NCKAP1: variants seen among roughly 807,000 people sequenced by gnomAD.
NCKAP1 encodes the protein nck-associated protein 1.
NCKAP1 carries 21 observed loss-of-function variants against 151.2 expected under a neutral mutation model. The ratio of observed to expected loss-of-function variants is 0.14; its 90% CI spans 0.10 to 0.20. The LOEUF is 0.20. Among genes scored for constraint, NCKAP1 ranks in the 10% least tolerant of loss-of-function variants. NCKAP1 has a pLI of 1.00. For missense variants in NCKAP1, 933 were observed against 1,352.1 expected (o/e 0.69, Z 4.86); for synonymous variants, 484 against 451.8 (o/e 1.07, Z -0.90).
At chr2:183,026,570 G>A (rs920886751) in intron 1 of NCKAP1, among the ~76,000 whole-genome samples, 1 of 151,696 alleles carries the variant, frequency 6.6e-6, no homozygotes, top group African/African-American at 2.4e-5. Flanking sequence ...TTTCCACACT[G>A]CTCAGTGGAC....
At chr2:183,029,691 A>T (rs1054337996) in intron 1 of NCKAP1, among the ~76,000 whole-genome samples, 1 of 151,880 alleles carries the variant, frequency 6.6e-6, no homozygotes, top group South Asian at 2.1e-4. Context: ...GTGGTGGTAA[A>T]TATCTGTGGT....
Position 182,952,493 on chromosome 2 carries a change from G to T in NCKAP1, c.2513C>A (p.Ser838Ter). 1 of 1,595,480 alleles carries T rather than the reference G, an allele frequency of 6.3e-7. No individual in the cohort carries two copies. The highest frequency in any genetic ancestry group is 1.1e-5 in the South Asian group (1 of 87,338). ...ATATGGGCCTAGTAGTTCTGATAAT[G>T]ACCTCATTTCTGAAAGAAAACATAC... Reference protein sequence around the residue: ...EEYSDISEMRSLSELLGPYGM... With the variant: ...EEYSDISEMR Residue 838 changes from serine (S) to a stop codon, truncating the protein, a stop_gained, in exon 23 of 31, where the codon TCA (serine) becomes TAA (stop). Transcript: ENST00000361354. LOFTEE classifies it high-confidence loss of function.
rs772402791 is a variant in NCKAP1, at chr2:182,925,705, T to C, written c.3384A>G (p.Ala1128=). 3.3e-5 allele frequency: 51 copies of C among 1,532,868 alleles called. No homozygotes were observed. Among genetic ancestry groups the C allele is most frequent in the Admixed American group, 1.4e-4 (7 of 49,496 alleles). 95.0% of individuals were successfully genotyped at this position (1,532,868 alleles called of 1,614,324 possible). ...TATCTTGATTAAGTAGGTAATTTTA[T>C]GCAGAAGATGTAACACTTTGTTTGT... The part of the protein sequence containing the change: ...AVYKQSVTSS[A] The change falls in exon 31 of 31, where the codon GCA becomes GCG. Residue 1128 remains alanine, a synonymous_variant. Coordinates refer to ENST00000361354, the MANE Select transcript of NCKAP1 (RefSeq NM_013436.5).
chr2:182,998,077 C>A (rs777678099), intron 6 of NCKAP1, among the ~76,000 whole-genome samples: 45 of 152,154 alleles, frequency 3.0e-4, no homozygotes, highest in Non-Finnish European at 5.1e-4. Context: ...TTTAAAACAC[C>A]ATATGATCAT....
At chr2:182,983,897 G>C (rs1030170045) in intron 10 of NCKAP1, among the ~76,000 whole-genome samples, 3 of 152,118 alleles carry the variant, frequency 2.0e-5, no homozygotes, top group South Asian at 2.1e-4. Flanking sequence ...AGCCAGGTGT[G>C]GTGGGTGCCT....
intron 15 of NCKAP1, among the ~76,000 whole-genome samples, chr2:182,975,399 A>G (rs1697785038): frequency 6.6e-6 from 1 of 152,120 alleles, no homozygotes; most frequent in South Asian, 2.1e-4. Flanking sequence ...ATAGAACAAA[A>G]AAGAGAAAAG....
intron 16 of NCKAP1, among the ~76,000 whole-genome samples, chr2:182,966,581 TG>T (rs774961839): frequency 3.8e-4 from 58 of 152,214 alleles, no homozygotes; most frequent in Non-Finnish European, 7.5e-4. Context: ...CCACCGCGCC[TG>T]GCCACCACAC....
chr2:182,942,159 A>G lies in NCKAP1; in HGVS notation c.2606T>C (p.Leu869Pro). ...ISSQVAELKK[L>P]VVENVDVLTQ... is the part of the protein sequence containing the mutation. Reference sequence around the variant, plus strand: ...TAACACATCAACATTCTCCACCACAAGTTTCTAAAAAAAAAAGAAAGATCC... The same window carrying G: ...TAACACATCAACATTCTCCACCACAGGTTTCTAAAAAAAAAAGAAAGATCC... The change falls in exon 24 of 31, where the codon CTT (leucine) becomes CCT (proline). Residue 869 changes from leucine to proline, a missense_variant. Leu to Pro is a moderately conservative substitution (Grantham distance 98). Around this residue, in one of 2 missense-constraint regions of NCKAP1, gnomAD observed 326 missense variants for 557.1 expected, o/e 0.59. Transcript: ENST00000361354. 6.2e-7 allele frequency: 1 copy of G among 1,609,968 alleles called. No individual in the cohort carries two copies. Among genetic ancestry groups the G allele is most frequent in the Non-Finnish European group, 8.5e-7 (1 of 1,177,764 alleles).
intron 1 of NCKAP1, chr2:183,024,998 G>A: frequency 6.2e-7 from 1 of 1,611,968 alleles, no homozygotes; most frequent in South Asian, 1.1e-5. Flanking sequence ...TGTCCTTGCT[G>A]GGGAAGCATT....
At chr2:182,941,132 A>T (rs10194276) in intron 24 of NCKAP1, among the ~76,000 whole-genome samples, 99,872 of 149,124 alleles carry the variant, frequency 0.67, 36,238 homozygotes, top group East Asian at 0.96. Flanking sequence ...TTGGGATTTC[A>T]TTTTTTTTTT....
At chr2:182,935,402 G>A in intron 24 of NCKAP1, 27 bp from the exon 25 acceptor site, 1 of 1,410,996 alleles carries the variant, frequency 7.1e-7, no homozygotes, top group Non-Finnish European at 9.6e-7. Flanking sequence ...AGAAGGAGAA[G>A]AGAATAAAAA....
chr2:182,924,500 C>A lies in NCKAP1; in HGVS notation c.*1202G>T, dbSNP rs1696602777. 1 of 152,072 alleles carries A rather than the reference C, an allele frequency of 6.6e-6. No homozygotes were observed. The highest frequency in any genetic ancestry group is 1.5e-5 in the Non-Finnish European group (1 of 67,994). 9.4% of individuals were successfully genotyped at this position (152,072 alleles called of 1,614,324 possible). A position where few individuals can be genotyped will look rare whatever the true frequency, so the allele number is the denominator to read the frequency against. On this transcript the variant is annotated 3_prime_UTR_variant, in exon 31 of 31. Transcript: ENST00000361354. The stretch of plus-strand genomic sequence containing the variant: ...TCCATGCCAACTATTAAGCAATAGG[C>A]CCTTTTATGTCTTTCCCATTCATTA...
rs1269336849 is a variant in NCKAP1, at chr2:183,009,443, G to GAAGA, written c.220-6119_220-6118insTCTT. On this transcript the variant is annotated intron_variant, in intron 2 of 30. Transcript: ENST00000361354. ...GAAGGGAAGGAAGGAAGGAAGGAAG[G>GAAGA]AAGGAAGGAAGGAAGGAAGGAAGGA... Among the ~76,000 whole-genome samples, 30 of 133,102 alleles carry GAAGA rather than the reference G, an allele frequency of 2.3e-4. No homozygotes were observed. In the East Asian group the frequency reaches 6.3e-3, roughly 28 times the overall value. 87.3% of individuals were successfully genotyped at this position (133,102 alleles called of 152,430 possible).
chr2:183,032,664 G>C (rs890484999), intron 1 of NCKAP1, among the ~76,000 whole-genome samples: 1 of 152,144 alleles, frequency 6.6e-6, no homozygotes, highest in African/African-American at 2.4e-5. Context: ...ATATCATTAT[G>C]CAGAATGACT....
chr2:182,952,464 T>C lies in NCKAP1; in HGVS notation c.2542A>G (p.Met848Val), dbSNP rs1697233645. The change falls in exon 23 of 31, where the codon ATG becomes GTG. Residue 848 changes from methionine to valine, a missense_variant. Met to Val is a conservative substitution (Grantham distance 21). Transcript: ENST00000361354. ...SLSELLGPYG[M>V]KFLSESLMWH... ...ATAAGGCTTTCACTTAGAAACTTCA[T>C]ACCATATGGGCCTAGTAGTTCTGAT... is the stretch of plus-strand genomic sequence containing the variant. The C allele has an allele frequency of 6.2e-7, 1 of 1,611,578 alleles. No individual in the cohort carries two copies. The highest frequency in any genetic ancestry group is 2.2e-5 in the East Asian group (1 of 44,730).
chr2:183,002,577 G>GA (rs1200715300), intron 4 of NCKAP1, among the ~76,000 whole-genome samples: 1 of 151,522 alleles, frequency 6.6e-6, no homozygotes, highest in Non-Finnish European at 1.5e-5. Context: ...CACGAAAGAG[G>GA]AAAAAAATTA....
intron 23 of NCKAP1, among the ~76,000 whole-genome samples, chr2:182,944,293 A>C (rs1458655419): frequency 2.0e-5 from 3 of 152,190 alleles, no homozygotes; most frequent in Non-Finnish European, 4.4e-5. Context: ...TTTTTAAAAA[A>C]AAGTTTGATA....
intron 6 of NCKAP1, among the ~76,000 whole-genome samples, 198 bp downstream of exon 6, chr2:183,001,755 T>C (rs946659635): frequency 6.6e-6 from 1 of 152,172 alleles, no homozygotes; most frequent in African/African-American, 2.4e-5. Flanking sequence ...AATCAATCAA[T>C]ATATTCTTGA....
chr2:182,935,952 A>T (rs1469103021), intron 24 of NCKAP1, among the ~76,000 whole-genome samples: 1 of 152,144 alleles, frequency 6.6e-6, no homozygotes, highest in Admixed American at 6.5e-5. Flanking sequence ...GCATTATTCT[A>T]AAAATTATTA....
Sources: allele counts gnomAD v4.1 joint callset (sites outside exome capture counted in the v4.1 genomes callset), GRCh38; gene constraint gnomAD v4.1.1; regional missense constraint gnomAD v4.1.1; transcripts MANE v1.5; gene names NCBI Gene and HGNC (gene_info 2026-07-23, HGNC 2026-07-21).